The following CSNK1G3 variants were observed in gnomAD, a reference collection of about 807,000 sequenced individuals.
The protein encoded by CSNK1G3 is casein kinase 1 gamma 3.
A neutral mutation model predicts 64.3 loss-of-function variants in CSNK1G3; 23 were observed. The ratio of observed to expected loss-of-function variants is 0.36; its 90% CI spans 0.26 to 0.51. CSNK1G3 has a LOEUF of 0.51. CSNK1G3 is among the 20% of genes least tolerant of loss of function. The probability of loss-of-function intolerance (pLI) is 0.96; values close to 1 mark genes in which losing one functional copy is unlikely to be tolerated. For missense variants in CSNK1G3, 357 were observed against 510.5 expected, an observed-to-expected ratio of 0.70 and a Z score of 2.90; for synonymous variants, 158 against 162.2, an observed-to-expected ratio of 0.97 and a Z score of 0.20.
intron 6 of CSNK1G3, among the ~76,000 whole-genome samples, chr5:123,582,528 A>G (rs1458260324): frequency 6.6e-6 from 1 of 152,192 alleles, no homozygotes; most frequent in East Asian, 1.9e-4. Flanking sequence ...TGAAGAGGAA[A>G]ATTTTAATGG....
chr5:123,538,498 C>T (rs1199300861), intron 1 of CSNK1G3, among the ~76,000 whole-genome samples: 1 of 151,950 alleles, frequency 6.6e-6, no homozygotes, highest in Non-Finnish European at 1.5e-5. Context: ...CTATTCAGAT[C>T]GTTTCTATAT....
chr5:123,573,052 T>A (rs1429606339), intron 4 of CSNK1G3, among the ~76,000 whole-genome samples: 1 of 152,186 alleles, frequency 6.6e-6, no homozygotes, highest in Non-Finnish European at 1.5e-5. Context: ...AGAACTGGAA[T>A]CTCTCCTATG....
chr5:123,606,173 G>C (rs1046679491), intron 12 of CSNK1G3, among the ~76,000 whole-genome samples: 3 of 151,974 alleles, frequency 2.0e-5, no homozygotes, highest in East Asian at 1.9e-4. Flanking sequence ...TTAAAGAGCA[G>C]TGATTAAGAA....
intron 2 of CSNK1G3, among the ~76,000 whole-genome samples, chr5:123,546,318 A>G (rs1426760773): frequency 6.6e-6 from 1 of 152,050 alleles, no homozygotes; most frequent in Non-Finnish European, 1.5e-5. Flanking sequence ...TGCCCCAAGT[A>G]TGTTTGGGGT....
At chr5:123,522,585 A>G (rs781414193) in intron 1 of CSNK1G3, among the ~76,000 whole-genome samples, 9 of 151,908 alleles carry the variant, frequency 5.9e-5, no homozygotes, top group Non-Finnish European at 1.2e-4. Context: ...ATAACCTTTG[A>G]CACCTTCCCC....
intron 4 of CSNK1G3, among the ~76,000 whole-genome samples, chr5:123,566,881 A>G (rs1335208090): frequency 6.6e-6 from 1 of 151,920 alleles, no homozygotes; most frequent in East Asian, 1.9e-4. Flanking sequence ...CAGTGCTTCC[A>G]GTAATGTTAG....
In CSNK1G3 at chr5:123,589,466, G is replaced by T. The variant is rs563617402; in HGVS notation, c.845-947G>T. On this transcript the variant is annotated intron_variant, in intron 8 of 12. Coordinates refer to ENST00000345990, the Ensembl canonical transcript of CSNK1G3. ...GGGGTTGCCAAATCAAATTAGCCAG[G>T]TATTTAGCTAGAAAGTGGAATAGTG... Among the ~76,000 whole-genome samples, 5 of 152,172 alleles carry T rather than the reference G, an allele frequency of 3.3e-5. No homozygotes were observed. In the South Asian group the frequency reaches 1.0e-3, roughly 32 times the overall value.
intron 12 of CSNK1G3, among the ~76,000 whole-genome samples, chr5:123,606,616 CTATT>C (rs889204058): frequency 5.9e-5 from 9 of 152,096 alleles, no homozygotes; most frequent in African/African-American, 2.2e-4. Flanking sequence ...ATTATCACCC[CTATT>C]TATTTCTTCT....
intron 3 of CSNK1G3, among the ~76,000 whole-genome samples, chr5:123,556,826 C>T (rs1179239689): frequency 6.6e-6 from 1 of 150,386 alleles, no homozygotes; most frequent in Non-Finnish European, 1.5e-5. Context: ...ACATTTATGT[C>T]GAATGATAAA....
intron 1 of CSNK1G3, among the ~76,000 whole-genome samples, chr5:123,516,115 A>C (rs1305024666): frequency 6.6e-6 from 1 of 152,014 alleles, no homozygotes; most frequent in Non-Finnish European, 1.5e-5. Flanking sequence ...ATTAATTGAT[A>C]GTATGTGTCT....
At chr5:123,532,927 A>T (rs920623312) in intron 1 of CSNK1G3, among the ~76,000 whole-genome samples, 2 of 151,876 alleles carry the variant, frequency 1.3e-5, no homozygotes, top group African/African-American at 4.8e-5. Context: ...TAAATGCTTC[A>T]GGTGGTTACT....
intron 1 of CSNK1G3, among the ~76,000 whole-genome samples, chr5:123,531,556 T>C (rs933010109): frequency 4.6e-5 from 7 of 152,178 alleles, no homozygotes; most frequent in Non-Finnish European, 8.8e-5. Context: ...TAGTAGATAT[T>C]ACTATATCAA....
At chr5:123,599,405 A>G (rs1236295469) in intron 10 of CSNK1G3, among the ~76,000 whole-genome samples, 1 of 152,254 alleles carries the variant, frequency 6.6e-6, no homozygotes, top group Non-Finnish European at 1.5e-5. Flanking sequence ...AAACGAAAGA[A>G]TAACATTCAT....
intron 1 of CSNK1G3, among the ~76,000 whole-genome samples, chr5:123,521,887 C>G (rs1052316638): frequency 2.6e-5 from 4 of 152,044 alleles, no homozygotes; most frequent in Non-Finnish European, 2.9e-5. Flanking sequence ...TGTTGGGATT[C>G]TACCCATGCT....
intron 4 of CSNK1G3, among the ~76,000 whole-genome samples, chr5:123,563,607 C>T (rs6884946): frequency 0.26 from 38,791 of 151,838 alleles, 5,160 homozygotes; most frequent in Middle Eastern, 0.38. Flanking sequence ...TTGTACTGTT[C>T]ACTTCTGAGA....
At chr5:123,524,333 GTATT>G (rs1445013424) in intron 1 of CSNK1G3, among the ~76,000 whole-genome samples, 1 of 152,072 alleles carries the variant, frequency 6.6e-6, no homozygotes, top group Non-Finnish European at 1.5e-5. Flanking sequence ...GCATGACTGA[GTATT>G]CATCAAACAC....
At chr5:123,605,356 A>G in exon 12 of CSNK1G3, 4 of 1,610,454 alleles carry the variant, frequency 2.5e-6, no homozygotes, top group Non-Finnish European at 3.4e-6. Flanking sequence ...AAAGTGTTGA[A>G]CATGTGGTGA....
intron 3 of CSNK1G3, among the ~76,000 whole-genome samples, chr5:123,555,165 A>C (rs1784404970): frequency 6.6e-6 from 1 of 152,198 alleles, no homozygotes; most frequent in Non-Finnish European, 1.5e-5. Context: ...TCAGCATTAC[A>C]TGTAATAATT....
At chr5:123,521,371 CTT>C (rs1420965578) in intron 1 of CSNK1G3, among the ~76,000 whole-genome samples, 1 of 151,910 alleles carries the variant, frequency 6.6e-6, no homozygotes, top group African/African-American at 2.4e-5. Flanking sequence ...GCTGATGTGT[CTT>C]TATATAATTG....
Sources: allele counts gnomAD v4.1 joint callset (sites outside exome capture counted in the v4.1 genomes callset), GRCh38; gene constraint gnomAD v4.1.1; transcripts MANE v1.5; gene names NCBI Gene and HGNC (gene_info 2026-07-23, HGNC 2026-07-21).